The following SVOPL variants were observed in gnomAD, a reference collection of about 807,000 sequenced individuals.
The protein encoded by SVOPL is SVOP like.
SVOPL carries 60 observed loss-of-function variants against 61.0 expected under a neutral mutation model. The ratio of observed to expected loss-of-function variants is 0.98; its 90% CI spans 0.80 to 1.22. SVOPL has a LOEUF of 1.22. SVOPL is among the 50% of genes most tolerant of loss of function. The pLI, the probability that SVOPL is intolerant of heterozygous loss-of-function variation, is 0.00. For synonymous variants in SVOPL, 279 were observed against 250.0 expected, an observed-to-expected ratio of 1.12 and a Z score of -1.09; for missense variants, 662 against 643.9, an observed-to-expected ratio of 1.03 and a Z score of -0.30.
chr7:138,630,050 A>T lies in SVOPL; in HGVS notation c.862T>A (p.Trp288Arg), dbSNP rs779994604. ...LRTTLQIWVI[W>R]LGISFAYYGV... ...GCTTTGAAATCATTACACTCTTACC[A>T]TATGACCCAGATCTGTAATGTGGTC... is the stretch of plus-strand genomic sequence containing the variant. Residue 288 changes from tryptophan to arginine, a missense_variant and splice_region_variant, in exon 10 of 16, where the codon TGG (tryptophan) becomes AGG (arginine). Physicochemically the swap from Trp to Arg is moderately radical, Grantham distance 101 (BLOSUM62 -3). Transcript: ENST00000674285. 1 of 1,612,860 alleles carries T rather than the reference A, an allele frequency of 6.2e-7. No homozygotes were observed. Among genetic ancestry groups the T allele is most frequent in the Non-Finnish European group, 8.5e-7 (1 of 1,178,936 alleles).
At chr7:138,660,034 G>T (rs545560580) in intron 5 of SVOPL, 46 bp from the exon 6 acceptor site, 2 of 1,547,450 alleles carry the variant, frequency 1.3e-6, no homozygotes, top group South Asian at 2.4e-5. Context: ...CTCAATGCGG[G>T]GAGGGAAGAA....
chr7:138,610,899 A>G lies in SVOPL; in HGVS notation c.1353+10147T>C, dbSNP rs1274708580. On this transcript the variant is annotated intron_variant, in intron 14 of 15. Coordinates refer to ENST00000674285, the MANE Select transcript of SVOPL (RefSeq NM_001139456.2). The stretch of plus-strand genomic sequence containing the variant: ...GCGCCACTTAGCAAATCCAGGTGGG[A>G]TTTACACAGACTGACACCCACTTAC... Among the ~76,000 whole-genome samples the G allele has an allele frequency of 7.2e-5, 11 of 152,320 alleles. No individual in the cohort carries two copies. In the East Asian group the frequency reaches 2.1e-3, roughly 29 times the overall value.
chr7:138,607,358 GCA>G (rs1798804917), intron 14 of SVOPL, among the ~76,000 whole-genome samples: 1 of 152,150 alleles, frequency 6.6e-6, no homozygotes, highest in African/African-American at 2.4e-5. Context: ...CTAATATTGA[GCA>G]ATAAGAAATC....
intron 6 of SVOPL, among the ~76,000 whole-genome samples, chr7:138,657,121 CCTTTT>C (rs1801780040): frequency 6.7e-6 from 1 of 148,656 alleles, no homozygotes; most frequent in African/African-American, 2.4e-5. Context: ...AGCCTGATTC[CCTTTT>C]CTTATTTGTT....
chr7:138,613,217 A>G (rs968452446), intron 14 of SVOPL, among the ~76,000 whole-genome samples: 3 of 151,658 alleles, frequency 2.0e-5, no homozygotes, highest in Non-Finnish European at 4.4e-5. Flanking sequence ...ATGGGGTTTC[A>G]CCATGTTGGC....
At chr7:138,662,143 G>C (rs1047863120) in intron 5 of SVOPL, 1 of 985,348 alleles carries the variant, frequency 1.0e-6, no homozygotes, top group East Asian at 1.1e-4. Context: ...GTCCCTGGAC[G>C]GGACATTCAG....
chr7:138,637,991 T>G (rs1800579351), intron 9 of SVOPL, among the ~76,000 whole-genome samples: 1 of 151,278 alleles, frequency 6.6e-6, no homozygotes, highest in African/African-American at 2.4e-5. Flanking sequence ...TAAAACAAAT[T>G]GGCCGGGTGT....
At position 138,627,481 on chromosome 7, in the gene SVOPL, G is replaced by A; in HGVS notation, c.1070-20C>T. On this transcript the variant is annotated intron_variant, in intron 11 of 15. Coordinates refer to ENST00000674285, the MANE Select transcript of SVOPL (RefSeq NM_001139456.2). ...GATTCACTAGAAAGCAAACAGTAAA[G>A]ATAATTTCTGGAACCTTGGAAGGCA... 1 of 1,583,596 alleles carries A rather than the reference G, an allele frequency of 6.3e-7. No homozygotes were observed. The highest frequency in any genetic ancestry group is 8.7e-7 in the Non-Finnish European group (1 of 1,153,212).
intron 8 of SVOPL, 83 bp from the exon 9 acceptor site, chr7:138,644,928 G>A: frequency 1.3e-6 from 2 of 1,533,478 alleles, no homozygotes; most frequent in Admixed American, 3.6e-5. Flanking sequence ...ATACACTACA[G>A]TCCTAGTTTC....
chr7:138,660,481 T>C, intron 5 of SVOPL: 1 of 986,418 alleles, frequency 1.0e-6, no homozygotes, highest in African/African-American at 1.7e-5. Context: ...CACTGTTTTA[T>C]CTTCTCTGTT....
chr7:138,647,284 G>A (rs1801164817), intron 8 of SVOPL, among the ~76,000 whole-genome samples: 1 of 152,144 alleles, frequency 6.6e-6, no homozygotes, highest in Non-Finnish European at 1.5e-5. Context: ...TGGAGGCTGA[G>A]GCAGGAGAAT....
intron 14 of SVOPL, among the ~76,000 whole-genome samples, chr7:138,614,109 G>A (rs1337849227): frequency 6.6e-6 from 1 of 152,164 alleles, no homozygotes; most frequent in Non-Finnish European, 1.5e-5. Context: ...CAAATAGACT[G>A]CAGCTAATTG....
At chr7:138,687,929 G>A (rs1279033400) in intron 1 of SVOPL, among the ~76,000 whole-genome samples, 1 of 151,938 alleles carries the variant, frequency 6.6e-6, no homozygotes, top group African/African-American at 2.4e-5. Flanking sequence ...AGCCTTCTGA[G>A]TAGCTGGGAT....
chr7:138,681,600 G>A lies in SVOPL; in HGVS notation c.-34-2521C>T, dbSNP rs143516111. Among the ~76,000 whole-genome samples the A allele has an allele frequency of 9.9e-3, 1,508 of 152,224 alleles. 27 individuals carry two copies. Among genetic ancestry groups the A allele is most frequent in the African/African-American group, 0.035 (1,448 of 41,526 alleles). ...GCATTTTGGGAGGCTGACGCAGGAG[G>A]ATCACTTGAGACCAAGAGTTTGAGA... On this transcript the variant is annotated intron_variant, in intron 1 of 15. Coordinates refer to ENST00000674285, the MANE Select transcript of SVOPL (RefSeq NM_001139456.2).
chr7:138,661,467 G>T (rs1200217982), intron 5 of SVOPL: 7 of 981,388 alleles, frequency 7.1e-6, no homozygotes, highest in African/African-American at 3.5e-5. Flanking sequence ...AGACACAGGA[G>T]CATGCGACTC....
chr7:138,634,678 A>G (rs1170680879), intron 9 of SVOPL, among the ~76,000 whole-genome samples: 2 of 151,168 alleles, frequency 1.3e-5, no homozygotes, highest in African/African-American at 2.4e-5. Flanking sequence ...AAACAAAAAA[A>G]TTAGCCAGGC....
At chr7:138,694,326 C>T (rs910202892) in intron 1 of SVOPL, among the ~76,000 whole-genome samples, 1 of 151,930 alleles carries the variant, frequency 6.6e-6, no homozygotes, top group African/African-American at 2.4e-5. Context: ...CTCACTGCAA[C>T]CTCTGCCTCC....
chr7:138,647,105 G>C (rs868172187), intron 8 of SVOPL, among the ~76,000 whole-genome samples: 15 of 152,360 alleles, frequency 9.8e-5, no homozygotes, highest in Middle Eastern at 3.4e-3. Context: ...GCCGGGCGCA[G>C]TGGCTCACAC....
chr7:138,600,501 C>A (rs778329619), intron 14 of SVOPL, among the ~76,000 whole-genome samples: 1 of 151,300 alleles, frequency 6.6e-6, no homozygotes, highest in Non-Finnish European at 1.5e-5. Flanking sequence ...ACTCAGAAGG[C>A]TGAGGTGGAA....
Sources: gnomAD v4.1 joint callset for allele counts (sites outside exome capture counted in the v4.1 genomes callset) on GRCh38, gnomAD v4.1.1 for gene constraint, MANE v1.5 for transcripts, NCBI Gene and HGNC (gene_info 2026-07-23, HGNC 2026-07-21) for gene names.